Variants in PSMD14 observed in about 807,000 individuals in gnomAD.
PSMD14 encodes the protein ubiquitin C-terminal hydrolase PSMD14.
In PSMD14, 7 loss-of-function variants were observed where a neutral mutation model predicts 41.2. The ratio of observed to expected loss-of-function variants is 0.17; its 90% CI spans 0.10 to 0.32. PSMD14 has a LOEUF of 0.32. PSMD14 is among the 10% of genes least tolerant of loss of function. The probability of loss-of-function intolerance (pLI) is 1.00; values close to 1 mark genes in which losing one functional copy is unlikely to be tolerated. For missense variants in PSMD14, 139 were observed against 375.6 expected (o/e 0.37, Z 5.21); for synonymous variants, 114 against 122.3 (o/e 0.93, Z 0.45).
intron 3 of PSMD14, among the ~76,000 whole-genome samples, chr2:161,353,364 C>G (rs982201444): frequency 2.0e-5 from 3 of 152,110 alleles, no homozygotes; most frequent in Admixed American, 2.0e-4. Context: ...TAAAGATGAC[C>G]TTGCTTATTT....
chr2:161,362,184 C>T (rs1205141386), intron 3 of PSMD14, among the ~76,000 whole-genome samples: 7 of 152,112 alleles, frequency 4.6e-5, no homozygotes, highest in Non-Finnish European at 1.0e-4. Flanking sequence ...TCCCACTCAG[C>T]GTCCTGAGTA....
chr2:161,309,461 C>T (rs1225932410), intron 1 of PSMD14, among the ~76,000 whole-genome samples: 1 of 152,132 alleles, frequency 6.6e-6, no homozygotes, highest in Non-Finnish European at 1.5e-5. Context: ...TTCCACTGGT[C>T]ACAAGTGTTT....
At chr2:161,411,087 G>A (rs943528267) in intron 11 of PSMD14, among the ~76,000 whole-genome samples, 1 of 152,006 alleles carries the variant, frequency 6.6e-6, no homozygotes, top group Admixed American at 6.6e-5. Context: ...TATAAATCAA[G>A]CTTTCATTGT....
chr2:161,319,796 GT>G (rs949098003), intron 3 of PSMD14, among the ~76,000 whole-genome samples: 8 of 152,122 alleles, frequency 5.3e-5, no homozygotes, highest in Non-Finnish European at 1.2e-4. Context: ...AATTTTCAGT[GT>G]TTTAGAAGAA....
At chr2:161,367,341 C>A in intron 3 of PSMD14, 137 bp from the exon 4 acceptor site, 1 of 664,558 alleles carries the variant, frequency 1.5e-6, no homozygotes, top group Non-Finnish European at 2.5e-6. Flanking sequence ...TTGATTATGT[C>A]ATAGCCAAAT....
chr2:161,354,213 G>T (rs1303971369), intron 3 of PSMD14, among the ~76,000 whole-genome samples: 1 of 152,054 alleles, frequency 6.6e-6, no homozygotes, highest in African/African-American at 2.4e-5. Context: ...AGTTTGAACT[G>T]ATCTCCGTGA....
intron 3 of PSMD14, among the ~76,000 whole-genome samples, chr2:161,366,889 C>T (rs1459706802): frequency 6.6e-6 from 1 of 152,134 alleles, no homozygotes; most frequent in Non-Finnish European, 1.5e-5. Context: ...AGTATTTTCA[C>T]GTCAGCTATA....
In PSMD14 at chr2:161,329,974, A is replaced by C. The variant is rs886068889; in HGVS notation, c.48+11101A>C. Among the ~76,000 whole-genome samples the C allele has an allele frequency of 3.3e-5, 5 of 152,200 alleles. No homozygotes were observed. In the South Asian group the frequency reaches 1.0e-3, roughly 31 times the overall value. On this transcript the variant is annotated intron_variant, in intron 3 of 11. Coordinates refer to ENST00000409682, the MANE Select transcript of PSMD14 (RefSeq NM_005805.6). ...AGTAAAAGGGACATAAATTTTCCAT[A>C]GGTACATGATAGTTAACCTGTGTCA... is the stretch of plus-strand genomic sequence containing the variant.
chr2:161,344,823 A>G (rs1683017705), intron 3 of PSMD14, among the ~76,000 whole-genome samples: 1 of 152,184 alleles, frequency 6.6e-6, no homozygotes, highest in Admixed American at 6.5e-5. Flanking sequence ...TTCAGATATT[A>G]TCTCTCAGTC....
intron 3 of PSMD14, among the ~76,000 whole-genome samples, chr2:161,362,628 A>G (rs981004323): frequency 6.6e-6 from 1 of 152,100 alleles, no homozygotes; most frequent in African/African-American, 2.4e-5. Flanking sequence ...TTGAGTATAA[A>G]ATTCTTTACT....
At chr2:161,309,907 G>C (rs964467174) in intron 1 of PSMD14, among the ~76,000 whole-genome samples, 1 of 152,036 alleles carries the variant, frequency 6.6e-6, no homozygotes, top group African/African-American at 2.4e-5. Flanking sequence ...TGTAATCCCA[G>C]CACTTTGGGA....
At chr2:161,371,069 TC>T in intron 6 of PSMD14, 102 bp from the exon 7 acceptor site, 1 of 1,301,820 alleles carries the variant, frequency 7.7e-7, no homozygotes, top group Non-Finnish European at 1.0e-6. Context: ...TGTGTGTTTT[TC>T]ATCTCTTCTT....
At chr2:161,371,945 T>C (rs2105258150) in intron 7 of PSMD14, among the ~76,000 whole-genome samples, 1 of 152,056 alleles carries the variant, frequency 6.6e-6, no homozygotes, top group Admixed American at 6.6e-5. Context: ...TCTCTTTCTC[T>C]TTTTTTGTTC....
chr2:161,327,885 C>A (rs11885856), intron 3 of PSMD14, among the ~76,000 whole-genome samples: 136,128 of 149,474 alleles, frequency 0.91, 62,024 homozygotes, highest in East Asian at 1. Context: ...AGTTAAAAAA[C>A]AAACAAACCT....
At chr2:161,390,326 T>G (rs1260284428) in intron 8 of PSMD14, among the ~76,000 whole-genome samples, 2 of 152,148 alleles carry the variant, frequency 1.3e-5, no homozygotes, top group African/African-American at 4.8e-5. Context: ...ATTTCTGACT[T>G]TCATGTTTTT....
rs368096782 is a variant in PSMD14 at position 161,395,098 on chromosome 2, G to A, written c.666G>A (p.Lys222=). The change falls in exon 10 of 12, where the codon AAG becomes AAA. Residue 222 remains lysine (K), a synonymous_variant. Coordinates refer to ENST00000409682, the MANE Select transcript of PSMD14 (RefSeq NM_005805.6). ...LEQKMLLNLH[K]KSWMEGLTLQ... ...TTTAGATGTTGCTAAATTTGCATAA[G>A]AAGAGTTGGATGGAAGGTTTGACAC... 99 of 1,591,294 alleles carry A rather than the reference G, an allele frequency of 6.2e-5. No homozygotes were observed. The highest frequency in any genetic ancestry group is 8.0e-5 in the Non-Finnish European group (94 of 1,171,212).
rs574903478 is a variant in PSMD14, at chr2:161,331,759, G to A, written c.48+12886G>A. Among the ~76,000 whole-genome samples, 127 of 152,146 alleles carry A rather than the reference G, an allele frequency of 8.3e-4. 1 individual carries two copies. The highest frequency in any genetic ancestry group is 3.4e-3 in the Middle Eastern group (1 of 294). On this transcript the variant is annotated intron_variant, in intron 3 of 11. Coordinates refer to ENST00000409682, the MANE Select transcript of PSMD14 (RefSeq NM_005805.6). The stretch of plus-strand genomic sequence containing the variant: ...GAAATGTGTATTAAAATTTTCCTCT[G>A]GAATTTAAAAAAAATGGGGTGGGGG...
chr2:161,368,414 AT>A (rs958049508), intron 5 of PSMD14, among the ~76,000 whole-genome samples: 3 of 151,976 alleles, frequency 2.0e-5, no homozygotes, highest in African/African-American at 7.2e-5. Flanking sequence ...AAACCTGAAT[AT>A]TTTTTTCCCA....
intron 3 of PSMD14, among the ~76,000 whole-genome samples, chr2:161,352,657 T>C (rs898317715): frequency 2.0e-5 from 3 of 152,296 alleles, no homozygotes; most frequent in Non-Finnish European, 4.4e-5. Flanking sequence ...TTTTTTCAAA[T>C]AGTCGTGCCC....
Sources: allele counts gnomAD v4.1 joint callset (sites outside exome capture counted in the v4.1 genomes callset), GRCh38; gene constraint gnomAD v4.1.1; transcripts MANE v1.5; gene names NCBI Gene and HGNC (gene_info 2026-07-23, HGNC 2026-07-21).